Variants in RFLNA observed in about 807,000 individuals in gnomAD.
The protein encoded by RFLNA is refilin A.
A neutral mutation model predicts 7.8 loss-of-function variants in RFLNA; 5 were observed. The observed-to-expected ratio is 0.64, with a 90% CI of 0.34 to 1.35. The LOEUF is 1.35. Among genes scored for constraint, RFLNA ranks in the 40% most tolerant of loss-of-function variants. The pLI is 0.04. For synonymous variants in RFLNA, 141 were observed against 131.3 expected (o/e 1.07, Z -0.50); for missense variants, 278 against 305.5 (o/e 0.91, Z 0.67).
At chr12:124,296,125 TC>T (rs2033914223) in intron 1 of RFLNA, among the ~76,000 whole-genome samples, 2 of 3,078 alleles carry the variant, frequency 6.5e-4, no homozygotes, top group Non-Finnish European at 0.027. Flanking sequence ...TCTTTCTTTC[TC>T]TCTCTCTCTC....
In RFLNA at chr12:124,295,356, C is replaced by T. The variant is rs560645024; in HGVS notation, c.-74C>T. The T allele has an allele frequency of 6.6e-4, 621 of 944,956 alleles. No homozygotes were observed. Among genetic ancestry groups the T allele is most frequent in the Non-Finnish European group, 8.0e-4 (587 of 732,040 alleles). The allele number at this position is 944,956 out of a possible 1,614,324, so 58.5% of individuals were successfully genotyped here. Reference sequence around the variant, plus strand: ...GCGCGCAGCTCTCGCCCCGCCGCCGCCTGCCCCGGGCCCCGGAGCGCGGTG... The same window carrying T: ...GCGCGCAGCTCTCGCCCCGCCGCCGTCTGCCCCGGGCCCCGGAGCGCGGTG... On this transcript the variant is annotated 5_prime_UTR_variant, in exon 1 of 3. Transcript: ENST00000546355.
upstream of RFLNA, among the ~76,000 whole-genome samples, chr12:124,293,940 A>G (rs1265370909): frequency 1.3e-5 from 2 of 152,162 alleles, no homozygotes; most frequent in Admixed American, 6.5e-5. Context: ...CCCTTTGACT[A>G]TTCTTGGTTG....
chr12:124,311,920 G>A lies in RFLNA; in HGVS notation c.310G>A (p.Glu104Lys). Reference protein sequence around the residue: ...SIKVNPEPTHEIRCNSEVKYA... With the variant: ...SIKVNPEPTHKIRCNSEVKYA... ...CAAGGTGAACCCGGAACCCACGCAT[G>A]AGATCCGGTGAGTGGGCCACTGGGC... The change falls in exon 2 of 3, where the codon GAG (glutamate) becomes AAG (lysine). Residue 104 changes from glutamate (E) to lysine (K), a missense_variant. By Grantham distance (56) the Glu-to-Lys change is moderately conservative. Transcript: ENST00000546355. 6.5e-7 allele frequency: 1 copy of A among 1,547,956 alleles called. No homozygotes were observed. Among genetic ancestry groups the A allele is most frequent in the Non-Finnish European group, 8.7e-7 (1 of 1,144,224 alleles).
chr12:124,311,966 G>C (rs775588417), intron 2 of RFLNA, 39 bp downstream of exon 2: 9 of 1,468,640 alleles, frequency 6.1e-6, no homozygotes, highest in South Asian at 1.3e-5. Flanking sequence ...AGGAGGGGGT[G>C]GGGGGTTGGG....
upstream of RFLNA, among the ~76,000 whole-genome samples, chr12:124,293,465 C>A (rs1414228875): frequency 6.6e-6 from 1 of 152,076 alleles, no homozygotes; most frequent in South Asian, 2.1e-4. Flanking sequence ...AGAAAGAATG[C>A]CCCCTCCCCC....
At position 124,314,490 on chromosome 12, in the gene RFLNA, C is replaced by G. The variant is rs375536178; in HGVS notation, c.616C>G (p.Pro206Ala). 9 of 1,595,044 alleles carry G rather than the reference C, an allele frequency of 5.6e-6. No homozygotes were observed. Among genetic ancestry groups the G allele is most frequent in the Non-Finnish European group, 7.6e-6 (9 of 1,177,858 alleles). The change falls in exon 3 of 3, where the codon CCT (proline) becomes GCT (alanine). Residue 206 changes from proline to alanine, a missense_variant. Coordinates refer to ENST00000546355, the MANE Select transcript of RFLNA (RefSeq NM_001365156.1). ...CGTGCAGCTGCAGCTTTGCCAGGAC[C>G]CTGCCCCCAGCCTCCTGGGCCCTGC... ...ASVQLQLCQDPAPSLLGPATL is the reference protein window; with the variant it reads ...ASVQLQLCQDAAPSLLGPATL
At chr12:124,297,438 A>C (rs1284630095) in intron 1 of RFLNA, among the ~76,000 whole-genome samples, 1 of 152,196 alleles carries the variant, frequency 6.6e-6, no homozygotes. Flanking sequence ...ACCGTGTGCC[A>C]GGATAACTGT....
At chr12:124,304,284 C>T (rs925689802) in intron 1 of RFLNA, among the ~76,000 whole-genome samples, 1 of 152,254 alleles carries the variant, frequency 6.6e-6, no homozygotes, top group African/African-American at 2.4e-5. Context: ...CTTCCCGAGC[C>T]GTCTCACCGC....
chr12:124,294,816 C>G (rs1043610540), upstream of RFLNA, among the ~76,000 whole-genome samples: 4 of 152,278 alleles, frequency 2.6e-5, no homozygotes, highest in African/African-American at 9.6e-5. Context: ...TCCAAGAGCA[C>G]CACGAAATAG....
chr12:124,296,308 A>G (rs889637115), intron 1 of RFLNA, among the ~76,000 whole-genome samples: 8 of 149,786 alleles, frequency 5.3e-5, no homozygotes, highest in Non-Finnish European at 8.9e-5. Context: ...CGGGTCAGGA[A>G]ACTCAGGAGT....
At chr12:124,300,097 C>T (rs1271882484) in intron 1 of RFLNA, among the ~76,000 whole-genome samples, 2 of 152,164 alleles carry the variant, frequency 1.3e-5, no homozygotes, top group South Asian at 2.1e-4. Flanking sequence ...AAATGAACAG[C>T]CCCCCTGTGG....
intron 1 of RFLNA, among the ~76,000 whole-genome samples, chr12:124,303,224 C>T (rs896383592): frequency 5.9e-5 from 9 of 152,350 alleles, no homozygotes; most frequent in East Asian, 1.9e-4. Context: ...CTTTCCTCGC[C>T]GGCCTGTGGG....
chr12:124,294,269 C>T (rs1456570473), upstream of RFLNA, among the ~76,000 whole-genome samples: 1 of 152,176 alleles, frequency 6.6e-6, no homozygotes, highest in Non-Finnish European at 1.5e-5. Context: ...TACCTCTGTT[C>T]TCTTCGCCCT....
At chr12:124,294,038 C>A (rs141631357), upstream of RFLNA, among the ~76,000 whole-genome samples, 1,514 of 152,178 alleles carry the variant, frequency 9.9e-3, 25 homozygotes, top group South Asian at 0.034. Context: ...GGGCCCTCCA[C>A]AGGGCAGGGG....
intron 1 of RFLNA, 102 bp from the exon 2 acceptor site, chr12:124,311,716 G>C: frequency 8.7e-7 from 1 of 1,154,580 alleles, no homozygotes; most frequent in Non-Finnish European, 1.2e-6. Context: ...TCCAGACCAA[G>C]CCAGGGCCAG....
At chr12:124,298,020 A>T (rs1004220083) in intron 1 of RFLNA, among the ~76,000 whole-genome samples, 4 of 152,356 alleles carry the variant, frequency 2.6e-5, no homozygotes, top group Non-Finnish European at 5.9e-5. Context: ...AGGGTTTCCA[A>T]CACCCGAGGA....
chr12:124,313,866 C>T (rs573269008), intron 2 of RFLNA, among the ~76,000 whole-genome samples: 5 of 152,296 alleles, frequency 3.3e-5, no homozygotes, highest in African/African-American at 1.2e-4. Context: ...GAAGTGCACA[C>T]GGTGACGCCA....
At chr12:124,310,033 C>T (rs550795409) in intron 1 of RFLNA, among the ~76,000 whole-genome samples, 23 of 151,904 alleles carry the variant, frequency 1.5e-4, no homozygotes, top group Admixed American at 2.6e-4. Context: ...TTGGCTGGGG[C>T]ATGGTGGCAT....
chr12:124,302,839 GA>G lies in RFLNA; in HGVS notation c.207+7204del, dbSNP rs776641830. The stretch of plus-strand genomic sequence containing the variant: ...GGGCCGAGGTCAGGGGCCGAGGTCA[GA>G]GGGCCGAGGTCAGGGGCCGAGGTCA... On this transcript the variant is annotated intron_variant, in intron 1 of 2. Transcript: ENST00000546355. 7.4e-3 allele frequency among the ~76,000 whole-genome samples: 408 copies of G among 55,070 alleles called. 2 individuals carry two copies. Among genetic ancestry groups the G allele is most frequent in the Non-Finnish European group, 0.011 (187 of 17,020 alleles). The allele number at this position is 55,070 out of a possible 152,430, so 36.1% of individuals were successfully genotyped here. A position where few individuals can be genotyped will look rare whatever the true frequency, so the allele number is the denominator to read the frequency against.
Sources: gnomAD v4.1 joint callset for allele counts (sites outside exome capture counted in the v4.1 genomes callset) on GRCh38, gnomAD v4.1.1 for gene constraint, MANE v1.5 for transcripts, NCBI Gene and HGNC (gene_info 2026-07-23, HGNC 2026-07-21) for gene names.